BRINP3: variants seen among roughly 807,000 people sequenced by gnomAD.
BRINP3 encodes BMP/retinoic acid-inducible neural-specific protein 3.
A neutral mutation model predicts 71.0 loss-of-function variants in BRINP3; 19 were observed. The ratio of observed to expected loss-of-function variants is 0.27; its 90% CI spans 0.19 to 0.39. BRINP3 has a LOEUF of 0.39. Among genes scored for constraint, BRINP3 ranks in the 10% least tolerant of loss-of-function variants. The pLI, the probability that BRINP3 is intolerant of heterozygous loss-of-function variation, is 1.00. For synonymous variants in BRINP3, 380 were observed against 337.7 expected (o/e 1.13, Z -1.37); for missense variants, 959 against 940.8 (o/e 1.02, Z -0.25).
chr1:190,149,799 T>G (rs1234214405), intron 7 of BRINP3, among the ~76,000 whole-genome samples: 1 of 152,188 alleles, frequency 6.6e-6, no homozygotes, highest in Non-Finnish European at 1.5e-5. Context: ...GATTTGATCT[T>G]TTGTATTTCC....
At chr1:190,453,531 A>C (rs1675791717) in intron 2 of BRINP3, among the ~76,000 whole-genome samples, 1 of 151,954 alleles carries the variant, frequency 6.6e-6, no homozygotes, top group Non-Finnish European at 1.5e-5. Context: ...CATTTCATTT[A>C]TTTAAAAAAT....
chr1:190,351,001 T>C (rs1209072832), intron 2 of BRINP3, among the ~76,000 whole-genome samples: 5 of 151,990 alleles, frequency 3.3e-5, no homozygotes, highest in Admixed American at 3.3e-4. Context: ...TTTGGGGTTT[T>C]TCCATGTTGT....
chr1:190,220,639 TA>T (rs957435740), intron 6 of BRINP3, among the ~76,000 whole-genome samples: 13 of 151,682 alleles, frequency 8.6e-5, no homozygotes, highest in East Asian at 5.8e-4. Context: ...TGTTCAAAGA[TA>T]AAAAAAATTG....
At chr1:190,408,666 A>T (rs1672462458) in intron 2 of BRINP3, among the ~76,000 whole-genome samples, 1 of 152,048 alleles carries the variant, frequency 6.6e-6, no homozygotes, top group South Asian at 2.1e-4. Context: ...AATGTATTAA[A>T]CTCTTTTTTC....
chr1:190,182,093 T>C (rs2102538754), intron 6 of BRINP3, among the ~76,000 whole-genome samples: 1 of 152,206 alleles, frequency 6.6e-6, no homozygotes, highest in African/African-American at 2.4e-5. Context: ...TAAATGTTGG[T>C]TCTCCCTTGT....
At chr1:190,120,864 G>A (rs1250334613) in intron 7 of BRINP3, among the ~76,000 whole-genome samples, 2 of 151,936 alleles carry the variant, frequency 1.3e-5, no homozygotes, top group East Asian at 3.9e-4. Flanking sequence ...ACTAAAGAGA[G>A]AATCTTTTAA....
intron 6 of BRINP3, among the ~76,000 whole-genome samples, chr1:190,162,387 C>T (rs1459895088): frequency 1.3e-5 from 2 of 151,882 alleles, no homozygotes; most frequent in African/African-American, 2.4e-5. Context: ...AAGGTGAAAC[C>T]CCATCTCTGC....
intron 4 of BRINP3, among the ~76,000 whole-genome samples, chr1:190,257,809 G>A (rs2102845809): frequency 6.6e-6 from 1 of 152,286 alleles, no homozygotes; most frequent in Admixed American, 6.5e-5. Context: ...CACCAGTGGA[G>A]GCTGCAGAGC....
At chr1:190,189,854 A>G (rs1434633707) in intron 6 of BRINP3, among the ~76,000 whole-genome samples, 1 of 152,124 alleles carries the variant, frequency 6.6e-6, no homozygotes, top group African/African-American at 2.4e-5. Context: ...TGTTATTGTA[A>G]GATACAGGTA....
intron 3 of BRINP3, among the ~76,000 whole-genome samples, chr1:190,276,780 T>G (rs74129267): frequency 1.5e-3 from 221 of 151,268 alleles, no homozygotes; most frequent in African/African-American, 5.0e-3. Context: ...TGAAGAGAAT[T>G]TTTTTTGTAT....
chr1:190,267,768 G>A (rs1661783073), intron 3 of BRINP3, among the ~76,000 whole-genome samples: 1 of 151,784 alleles, frequency 6.6e-6, no homozygotes, highest in South Asian at 2.1e-4. Flanking sequence ...AAACAGGGAA[G>A]AATTATTTTC....
chr1:190,351,389 ATAGT>A (rs573342626), intron 2 of BRINP3, among the ~76,000 whole-genome samples: 262 of 152,260 alleles, frequency 1.7e-3, no homozygotes, highest in Admixed American at 3.4e-3. Flanking sequence ...AATTTTTTCA[ATAGT>A]TAGTTCCACT....
chr1:190,226,355 T>C (rs773742006), intron 5 of BRINP3, 37 bp from the exon 6 acceptor site: 3 of 1,278,482 alleles, frequency 2.3e-6, no homozygotes. Flanking sequence ...AAATTTACTT[T>C]GTTAAAGAAA....
At chr1:190,340,235 T>C (rs975133549) in intron 2 of BRINP3, among the ~76,000 whole-genome samples, 1 of 151,936 alleles carries the variant, frequency 6.6e-6, no homozygotes, top group Non-Finnish European at 1.5e-5. Context: ...GTAGTGGTTT[T>C]ACTGACTTGA....
At chr1:190,155,818 G>A (rs531808164) in intron 7 of BRINP3, among the ~76,000 whole-genome samples, 3 of 152,122 alleles carry the variant, frequency 2.0e-5, no homozygotes, top group African/African-American at 2.4e-5. Flanking sequence ...CATGCAAGAT[G>A]TGTCTTGCTT....
intron 1 of BRINP3, among the ~76,000 whole-genome samples, chr1:190,463,591 C>A (rs1571381200): frequency 6.6e-6 from 1 of 151,656 alleles, no homozygotes; most frequent in African/African-American, 2.4e-5. Context: ...AATACATTAT[C>A]TTTTTACATG....
At chr1:190,206,318 G>C (rs1450947484) in intron 6 of BRINP3, among the ~76,000 whole-genome samples, 1 of 150,768 alleles carries the variant, frequency 6.6e-6, no homozygotes, top group Non-Finnish European at 1.5e-5. Context: ...GTCCTATTCT[G>C]CTAAATAAAT....
intron 1 of BRINP3, among the ~76,000 whole-genome samples, chr1:190,456,271 T>C (rs1675981213): frequency 6.6e-6 from 1 of 152,190 alleles, no homozygotes; most frequent in South Asian, 2.1e-4. Context: ...AGTGATACAA[T>C]GAGTGAACTC....
At chr1:190,473,707 C>T (rs1426064479) in intron 1 of BRINP3, among the ~76,000 whole-genome samples, 1 of 151,168 alleles carries the variant, frequency 6.6e-6, no homozygotes, top group Non-Finnish European at 1.5e-5. Context: ...AATCTATTGG[C>T]TGCTCAATCT....
Sources: gnomAD v4.1 joint callset for allele counts (sites outside exome capture counted in the v4.1 genomes callset) on GRCh38, gnomAD v4.1.1 for gene constraint, MANE v1.5 for transcripts, NCBI Gene and HGNC (gene_info 2026-07-23, HGNC 2026-07-21) for gene names.